The following RALGPS1 variants were observed in gnomAD, a reference collection of about 807,000 sequenced individuals.
RALGPS1 encodes ras-specific guanine nucleotide-releasing factor RalGPS1.
RALGPS1 carries 19 observed loss-of-function variants against 78.8 expected under a neutral mutation model. That is an observed-to-expected ratio of 0.24 (90% confidence interval 0.17 to 0.35). The LOEUF (loss-of-function observed/expected upper bound fraction) is 0.35, where lower values mean the gene tolerates loss of function less well. Ranked by LOEUF, RALGPS1 falls within the 10% of genes least tolerant of loss-of-function variation. RALGPS1 has a pLI of 1.00. For synonymous variants in RALGPS1, 228 were observed against 256.3 expected (o/e 0.89, Z 1.06); for missense variants, 454 against 688.3 (o/e 0.66, Z 3.81).
intron 4 of RALGPS1, among the ~76,000 whole-genome samples, chr9:127,021,555 A>G (rs1162832915): frequency 2.7e-5 from 4 of 150,110 alleles, no homozygotes; most frequent in African/African-American, 7.3e-5. Context: ...GGGCTTCTGT[A>G]TCATGCAGGT....
At chr9:126,952,656 A>AGTGTGTGTGT (rs1281535322) in intron 1 of RALGPS1, among the ~76,000 whole-genome samples, 17 of 138,916 alleles carry the variant, frequency 1.2e-4, no homozygotes, top group East Asian at 1.1e-3. Context: ...AGAGAGAGAG[A>AGTGTGTGTGT]GTGTGTGTGT....
chr9:127,214,720 C>T (rs2062476749), intron 17 of RALGPS1, 31 bp from the exon 18 acceptor site: 1 of 1,594,276 alleles, frequency 6.3e-7, no homozygotes, highest in South Asian at 1.1e-5. Context: ...ACGTGGCCCT[C>T]TTCTTAACTC....
At chr9:127,155,852 A>G (rs1382384774) in intron 8 of RALGPS1, among the ~76,000 whole-genome samples, 3 of 152,116 alleles carry the variant, frequency 2.0e-5, no homozygotes, top group African/African-American at 7.2e-5. Context: ...CCCTGCCAAA[A>G]AAGTGTTTGC....
intron 7 of RALGPS1, 131 bp from the exon 8 acceptor site, chr9:127,069,099 T>C (rs1301948664): frequency 1.1e-6 from 1 of 892,400 alleles, no homozygotes; most frequent in Non-Finnish European, 1.7e-6. Flanking sequence ...TTAAAATCCT[T>C]AGTTCTGTCC....
At chr9:127,120,694 G>C (rs907268548) in intron 8 of RALGPS1, among the ~76,000 whole-genome samples, 1 of 152,170 alleles carries the variant, frequency 6.6e-6, no homozygotes, top group Non-Finnish European at 1.5e-5. Flanking sequence ...TGGGCGTGGT[G>C]GTGGGCACCT....
At chr9:126,952,280 T>C (rs1430550861) in intron 1 of RALGPS1, among the ~76,000 whole-genome samples, 2 of 152,174 alleles carry the variant, frequency 1.3e-5, no homozygotes, top group Admixed American at 1.3e-4. Flanking sequence ...CTCAGCTCAC[T>C]ATCTCTCCTT....
At chr9:127,030,853 A>G (rs2046374477) in intron 4 of RALGPS1, among the ~76,000 whole-genome samples, 1 of 152,130 alleles carries the variant, frequency 6.6e-6, no homozygotes, top group Non-Finnish European at 1.5e-5. Context: ...ATGCAAGGAC[A>G]TTTAAGTTTG....
At chr9:127,213,107 C>T in intron 17 of RALGPS1, 58 bp downstream of exon 17, 1 of 1,598,422 alleles carries the variant, frequency 6.3e-7, no homozygotes, top group Non-Finnish European at 8.5e-7. Flanking sequence ...TCCTCTCTTG[C>T]ACAGCGTGCA....
At chr9:127,120,013 A>G (rs2055879817) in intron 8 of RALGPS1, among the ~76,000 whole-genome samples, 2 of 152,180 alleles carry the variant, frequency 1.3e-5, no homozygotes, top group Admixed American at 6.5e-5. Context: ...CTGGAACCTC[A>G]GGGGGCCACA....
At position 127,214,764 on chromosome 9, in the gene RALGPS1, G is replaced by T. The variant is rs751618566; in HGVS notation, c.1566G>T (p.Lys522Asn). 1.9e-6 allele frequency: 3 copies of T among 1,610,580 alleles called. No individual in the cohort carries two copies. Among genetic ancestry groups the T allele is most frequent in the South Asian group, 2.2e-5 (2 of 90,260 alleles). The stretch of plus-strand genomic sequence containing the variant: ...TCTACCCATCAGGCAATGTTTACAA[G>T]TTTCAGACTGGTTCCCGATTTCATG... ...LNNPDKGNVY[K>N]FQTGSRFHAI... Residue 522 changes from lysine to asparagine, a missense_variant, in exon 18 of 19, where the codon AAG becomes AAT. By Grantham distance (94) the Lys-to-Asn change is moderately conservative (BLOSUM62 0). Transcript: ENST00000259351.
At position 126,948,744 on chromosome 9, in the gene RALGPS1, A is replaced by G. The variant is rs187448074; in HGVS notation, c.-65-13481A>G. 2.5e-3 allele frequency among the ~76,000 whole-genome samples: 386 copies of G among 151,614 alleles called. 2 individuals are homozygous for G. The highest frequency in any genetic ancestry group is 4.9e-3 in the Admixed American group (74 of 15,248). On this transcript the variant is annotated intron_variant, in intron 1 of 18. Coordinates refer to ENST00000259351, the MANE Select transcript of RALGPS1 (RefSeq NM_014636.3). ...CGGCCCCCAATTCAGCTCCGTAAAC[A>G]TAGGCGCTTCCCTTCCCCAAGAAGA...
At chr9:127,130,276 A>G (rs2056915866) in intron 8 of RALGPS1, among the ~76,000 whole-genome samples, 1 of 152,250 alleles carries the variant, frequency 6.6e-6, no homozygotes, top group Admixed American at 6.5e-5. Context: ...AAAGTGAGAC[A>G]TTGTGAGTAC....
At chr9:126,977,842 G>A (rs1399545474) in intron 4 of RALGPS1, 97 bp downstream of exon 4, 3 of 848,956 alleles carry the variant, frequency 3.5e-6, no homozygotes, top group Admixed American at 4.9e-5. Context: ...CTCTCTTGCA[G>A]GCTCTATAAA....
At chr9:127,046,791 T>G (rs571065621) in intron 5 of RALGPS1, among the ~76,000 whole-genome samples, 1 of 151,672 alleles carries the variant, frequency 6.6e-6, no homozygotes, top group South Asian at 2.1e-4. Flanking sequence ...AGGACAGATG[T>G]CCCAGTAGAA....
chr9:127,108,892 CT>C, intron 8 of RALGPS1: 1 of 753,792 alleles, frequency 1.3e-6, no homozygotes, highest in South Asian at 2.0e-5. Flanking sequence ...AAAAACTCTG[CT>C]TCAGGATGCT....
chr9:127,128,267 A>G (rs752691150), intron 8 of RALGPS1, among the ~76,000 whole-genome samples: 10 of 152,186 alleles, frequency 6.6e-5, no homozygotes, highest in Non-Finnish European at 1.3e-4. Flanking sequence ...TTTGGATTGC[A>G]TCTAAGACTT....
chr9:127,170,612 A>G lies in RALGPS1; in HGVS notation c.842+1840A>G, dbSNP rs572272522. On this transcript the variant is annotated intron_variant, in intron 10 of 18. Coordinates refer to ENST00000259351, the MANE Select transcript of RALGPS1 (RefSeq NM_014636.3). ...ATTATTCCCACTTAGTTTCTGGGAT[A>G]ATATTTTCCATTTATGCACCAGTAT... Among the ~76,000 whole-genome samples, 37 of 152,310 alleles carry G rather than the reference A, an allele frequency of 2.4e-4. No individual in the cohort carries two copies. In the East Asian group the frequency reaches 7.1e-3, roughly 29 times the overall value.
At chr9:126,976,532 A>G (rs1043319968) in intron 3 of RALGPS1, among the ~76,000 whole-genome samples, 4 of 152,122 alleles carry the variant, frequency 2.6e-5, no homozygotes, top group African/African-American at 9.7e-5. Context: ...ATTTTCACCA[A>G]GATCCCATAA....
At chr9:127,073,466 C>CTG (rs58611833) in intron 8 of RALGPS1, among the ~76,000 whole-genome samples, 2,193 of 143,016 alleles carry the variant, frequency 0.015, 28 homozygotes, top group South Asian at 0.063. Flanking sequence ...GTGTGTGTGT[C>CTG]TGTGTGTGTG....
Sources: gnomAD v4.1 joint callset for allele counts (sites outside exome capture counted in the v4.1 genomes callset) on GRCh38, gnomAD v4.1.1 for gene constraint, MANE v1.5 for transcripts, NCBI Gene and HGNC (gene_info 2026-07-23, HGNC 2026-07-21) for gene names.